Variants in DMD observed in about 807,000 individuals in gnomAD.
DMD encodes mutant dystrophin.
A neutral mutation model predicts 330.1 loss-of-function variants in DMD; 63 were observed. The observed-to-expected ratio is 0.19, with a 90% CI of 0.16 to 0.24. The LOEUF (loss-of-function observed/expected upper bound fraction) is 0.24. DMD is among the 10% of genes least tolerant of loss of function. The pLI is 1.00. For synonymous variants in DMD, 1,223 were observed against 959.8 expected (o/e 1.27, Z -5.07); for missense variants, 3,344 against 2,684.1 (o/e 1.25, Z -5.43).
At chrX:31,396,389 G>A (rs1382520947) in intron 60 of DMD, among the ~76,000 whole-genome samples, 4 of 110,571 alleles carry the variant, frequency 3.6e-5, no homozygotes, top group Non-Finnish European at 3.8e-5. Flanking sequence ...CGCCCGCCTC[G>A]GCCTCCCAAA....
chrX:32,515,676 T>C (rs17271395), intron 18 of DMD, among the ~76,000 whole-genome samples: 1,813 of 112,098 alleles, frequency 0.016, 29 homozygotes, highest in Admixed American at 0.067. Flanking sequence ...GAGAGGTAAC[T>C]GCTACGTAAA....
At chrX:32,233,931 G>A (rs1381011799) in intron 43 of DMD, among the ~76,000 whole-genome samples, 3 of 110,744 alleles carry the variant, frequency 2.7e-5, no homozygotes, top group African/African-American at 9.9e-5. Context: ...CACCCAGCCC[G>A]GTACAATTTC....
intron 55 of DMD, among the ~76,000 whole-genome samples, chrX:31,609,413 G>C (rs2077782634): frequency 9.0e-6 from 1 of 111,343 alleles, no homozygotes. Context: ...CACATCATGA[G>C]ATTTAGTCAC....
intron 44 of DMD, among the ~76,000 whole-genome samples, chrX:32,068,727 T>C (rs937540885): frequency 9.0e-6 from 1 of 111,166 alleles, no homozygotes; most frequent in South Asian, 3.8e-4. Flanking sequence ...GGAAACTGCC[T>C]ACTTAATTCT....
intron 2 of DMD, among the ~76,000 whole-genome samples, chrX:32,904,166 T>C (rs1294867424): frequency 8.9e-6 from 1 of 112,219 alleles, no homozygotes; most frequent in Non-Finnish European, 1.9e-5. Context: ...GTAGCTTGGC[T>C]TCTAGAATTT....
chrX:33,275,668 A>T (rs189825047), intron 1 of DMD, among the ~76,000 whole-genome samples: 307 of 111,500 alleles, frequency 2.8e-3, no homozygotes, highest in Non-Finnish European at 3.8e-3. Flanking sequence ...TGGGATTGTG[A>T]TGGACTATGG....
rs774285581 is a variant in DMD, at chrX:31,139,576, A to G, written c.10922-5382T>C. 7.2e-5 allele frequency among the ~76,000 whole-genome samples: 8 copies of G among 110,533 alleles called. No individual in the cohort carries two copies. The South Asian group carries it at 3.2e-3, about 44-fold the overall frequency. On this transcript the variant is annotated intron_variant, in intron 76 of 78. Transcript: ENST00000357033. ...CACAGCAACCTGGATGGAGTTGGAG[A>G]CCATTACTCTAAGTAAAGTAACTCA... is the stretch of plus-strand genomic sequence containing the variant.
At chrX:31,879,824 T>G (rs1489037533) in intron 47 of DMD, among the ~76,000 whole-genome samples, 2 of 112,422 alleles carry the variant, frequency 1.8e-5, no homozygotes, top group East Asian at 5.5e-4. Flanking sequence ...AGATTCTATG[T>G]GTTTTAAATT....
chrX:32,393,889 C>G (rs1185725989), intron 30 of DMD, among the ~76,000 whole-genome samples: 1 of 111,138 alleles, frequency 9.0e-6, no homozygotes, highest in Non-Finnish European at 1.9e-5. Flanking sequence ...CAATAGTAAT[C>G]AGGGTACATG....
rs2051903299 is a variant in DMD, at chrX:33,211,338, G to A, written c.-26C>T. On this transcript the variant is annotated 5_prime_UTR_variant, in exon 1 of 79. Coordinates refer to ENST00000357033, the MANE Select transcript of DMD (RefSeq NM_004006.3). ...TTTGAAAAGTGTATATCAAGGCAGC[G>A]ATAAAAAAAACCTGGTAAAAGTTCT... The A allele has an allele frequency of 2.5e-6, 3 of 1,204,705 alleles. No individual in the cohort carries two copies.
intron 12 of DMD, among the ~76,000 whole-genome samples, chrX:32,598,829 T>C (rs1396353327): frequency 1.8e-5 from 2 of 111,799 alleles, no homozygotes; most frequent in Admixed American, 9.5e-5. Flanking sequence ...AAAGTACCAC[T>C]AAAGAGAGTT....
intron 44 of DMD, among the ~76,000 whole-genome samples, chrX:32,042,002 TC>T (rs1159887814): frequency 2.5e-5 from 2 of 81,453 alleles, no homozygotes; most frequent in Non-Finnish European, 4.7e-5. Flanking sequence ...TCTCCCTTCC[TC>T]CCTCTCTCTC....
At chrX:31,142,085 T>G (rs2036129072) in intron 76 of DMD, among the ~76,000 whole-genome samples, 1 of 111,933 alleles carries the variant, frequency 8.9e-6, no homozygotes, top group Non-Finnish European at 1.9e-5. Context: ...GTGCTTCAGA[T>G]TAAAGGAGAC....
intron 1 of DMD, among the ~76,000 whole-genome samples, chrX:33,170,189 G>A (rs746124233): frequency 1.2e-4 from 13 of 111,016 alleles, no homozygotes; most frequent in South Asian, 3.7e-4. Context: ...CCATGAAGAC[G>A]AGGGCTTTGC....
intron 44 of DMD, among the ~76,000 whole-genome samples, chrX:32,086,611 T>C (rs748166570): frequency 9.0e-6 from 1 of 111,640 alleles, no homozygotes; most frequent in African/African-American, 3.3e-5. Flanking sequence ...CACTCCAAGT[T>C]TCCTTGATGC....
chrX:33,302,299 T>C (rs775010292), intron 1 of DMD, among the ~76,000 whole-genome samples: 21 of 111,503 alleles, frequency 1.9e-4, no homozygotes, highest in Admixed American at 4.8e-4. Flanking sequence ...TAGGGTCAAA[T>C]ACACTCTTTA....
intron 44 of DMD, among the ~76,000 whole-genome samples, chrX:32,159,919 G>A (rs2096843106): frequency 8.9e-6 from 1 of 111,817 alleles, no homozygotes; most frequent in South Asian, 3.7e-4. Context: ...ATCAGCATCA[G>A]TTAATTAAGA....
chrX:32,327,984 TA>T (rs1409961002), intron 41 of DMD, among the ~76,000 whole-genome samples: 1 of 111,827 alleles, frequency 8.9e-6, no homozygotes, highest in Non-Finnish European at 1.9e-5. Flanking sequence ...AATTGGCTTA[TA>T]TTATATCCAG....
At chrX:31,177,233 A>G (rs928167131) in intron 71 of DMD, among the ~76,000 whole-genome samples, 2 of 111,333 alleles carry the variant, frequency 1.8e-5, no homozygotes, top group African/African-American at 6.5e-5. Flanking sequence ...CTGGTATCTA[A>G]GCTCAGTATT....
Sources: allele counts gnomAD v4.1 joint callset (sites outside exome capture counted in the v4.1 genomes callset), GRCh38; gene constraint gnomAD v4.1.1; transcripts MANE v1.5; gene names NCBI Gene and HGNC (gene_info 2026-07-23, HGNC 2026-07-21).